Variants in DPP10 observed in about 807,000 individuals in gnomAD.
DPP10 encodes the protein dipeptidyl peptidase like 10, also known as inactive dipeptidyl peptidase 10.
DPP10 carries 33 observed loss-of-function variants against 120.9 expected under a neutral mutation model. That is an observed-to-expected ratio of 0.27 (90% CI 0.21 to 0.37). The LOEUF (loss-of-function observed/expected upper bound fraction) is 0.37, where lower values mean the gene tolerates loss of function less well. DPP10 is among the 10% of genes least tolerant of loss of function. DPP10 has a pLI of 1.00. For synonymous variants in DPP10, 337 were observed against 326.1 expected (o/e 1.03, Z -0.36); for missense variants, 816 against 942.8 (o/e 0.87, Z 1.76).
At chr2:115,745,974 C>T in intron 9 of DPP10, 112 bp from the exon 10 acceptor site, 1 of 742,780 alleles carries the variant, frequency 1.3e-6, no homozygotes, top group Non-Finnish European at 2.1e-6. Flanking sequence ...AGAAATTAAA[C>T]TTTTTTTCTT....
intron 1 of DPP10, among the ~76,000 whole-genome samples, chr2:114,745,692 C>A (rs1203049698): frequency 6.6e-6 from 1 of 152,120 alleles, no homozygotes; most frequent in Non-Finnish European, 1.5e-5. Flanking sequence ...TTTATAGAGT[C>A]ACGGACAAAG....
chr2:114,447,734 G>C (rs1359944795), intron 1 of DPP10, among the ~76,000 whole-genome samples: 1 of 152,182 alleles, frequency 6.6e-6, no homozygotes, highest in Non-Finnish European at 1.5e-5. Context: ...TCACCAGTGA[G>C]TTCTACACTT....
intron 4 of DPP10, among the ~76,000 whole-genome samples, chr2:115,512,339 A>G (rs1052973274): frequency 6.6e-6 from 1 of 151,948 alleles, no homozygotes; most frequent in East Asian, 1.9e-4. Context: ...ACCCCAAGCA[A>G]TCCTCCCACC....
chr2:115,377,645 G>A (rs886580507), intron 3 of DPP10, among the ~76,000 whole-genome samples: 1 of 152,062 alleles, frequency 6.6e-6, no homozygotes, highest in Non-Finnish European at 1.5e-5. Flanking sequence ...TGTCCTGAAT[G>A]GTAATGCCTA....
At chr2:115,356,537 A>G (rs987004196) in intron 3 of DPP10, among the ~76,000 whole-genome samples, 4 of 151,942 alleles carry the variant, frequency 2.6e-5, no homozygotes, top group Admixed American at 2.0e-4. Flanking sequence ...CTATTTGAAT[A>G]CCCTTACTTC....
intron 1 of DPP10, among the ~76,000 whole-genome samples, chr2:114,798,849 C>G (rs1002130812): frequency 3.3e-5 from 5 of 152,110 alleles, no homozygotes; most frequent in Non-Finnish European, 7.3e-5. Context: ...TATTATGGGG[C>G]TGGGCATGGT....
rs534726516 is a variant in DPP10 at position 114,446,166 on chromosome 2, C to T, written c.60+3328C>T. On this transcript the variant is annotated intron_variant, in intron 1 of 25. Coordinates refer to ENST00000410059, the MANE Select transcript of DPP10 (RefSeq NM_020868.6). ...CATGGGTAGCAAACTTGAGTTTTTC[C>T]TTCACCATTATGGCTTCTCTTGGCT... is the stretch of plus-strand genomic sequence containing the variant. Among the ~76,000 whole-genome samples, 9 of 152,266 alleles carry T rather than the reference C, an allele frequency of 5.9e-5. No individual in the cohort carries two copies. The East Asian group carries it at 1.5e-3, about 26-fold the overall frequency.
intron 1 of DPP10, among the ~76,000 whole-genome samples, chr2:114,776,567 A>T (rs1374838088): frequency 2.6e-5 from 4 of 152,154 alleles, no homozygotes; most frequent in Non-Finnish European, 5.9e-5. Flanking sequence ...TTTGGCTTTT[A>T]TAGGCTCAAA....
chr2:114,562,580 A>G (rs1688852572), intron 1 of DPP10, among the ~76,000 whole-genome samples: 1 of 152,232 alleles, frequency 6.6e-6, no homozygotes, highest in Non-Finnish European at 1.5e-5. Flanking sequence ...GAATCACTCT[A>G]GCCCATTTTA....
At chr2:115,664,263 C>A (rs4384801) in intron 5 of DPP10, among the ~76,000 whole-genome samples, 142,427 of 151,762 alleles carry the variant, frequency 0.94, 67,319 homozygotes, top group Non-Finnish European at 1. Context: ...CATAAGGTAC[C>A]AAAAAAGTAT....
At chr2:114,470,308 T>C (rs1468773014) in intron 1 of DPP10, among the ~76,000 whole-genome samples, 1 of 152,240 alleles carries the variant, frequency 6.6e-6, no homozygotes, top group Non-Finnish European at 1.5e-5. Flanking sequence ...GGATTCACTA[T>C]GACAATTTTC....
At chr2:115,134,724 A>G (rs1386695632) in intron 1 of DPP10, among the ~76,000 whole-genome samples, 1 of 152,160 alleles carries the variant, frequency 6.6e-6, no homozygotes, top group Non-Finnish European at 1.5e-5. Context: ...GTCAGGGGTA[A>G]GTGCATTTGT....
rs1690510819 is a variant in DPP10, at chr2:115,845,109, A to G, written c.*2764A>G. The G allele has an allele frequency of 2.0e-5, 3 of 152,202 alleles. No individual in the cohort carries two copies. In the South Asian group the frequency reaches 6.2e-4, roughly 31 times the overall value. The allele number at this position is 152,202 out of a possible 1,614,324, so 9.4% of individuals were successfully genotyped here. On this transcript the variant is annotated 3_prime_UTR_variant, in exon 26 of 26. Coordinates refer to ENST00000410059, the MANE Select transcript of DPP10 (RefSeq NM_020868.6). Reference sequence around the variant, plus strand: ...TAGACATTGGGCTTTACCATATTAGAGAATTACTTAAGCCATTGTCCTTCA... The same window carrying G: ...TAGACATTGGGCTTTACCATATTAGGGAATTACTTAAGCCATTGTCCTTCA...
rs572693170 is a variant in DPP10, at chr2:115,348,123, G to A, written c.271+4211G>A. Among the ~76,000 whole-genome samples the A allele has an allele frequency of 3.9e-5, 6 of 152,210 alleles. No homozygotes were observed. The East Asian group carries it at 1.2e-3, about 29-fold the overall frequency. ...ACTTTGCTTCTGAGACTGCTCAGAG[G>A]CCTTCCAATATCTTAGTCAGTTCAA... On this transcript the variant is annotated intron_variant, in intron 3 of 25. Transcript: ENST00000410059.
chr2:114,877,360 G>T (rs952485879), intron 1 of DPP10, among the ~76,000 whole-genome samples: 1 of 151,950 alleles, frequency 6.6e-6, no homozygotes, highest in South Asian at 2.1e-4. Flanking sequence ...AGTAAGAAAG[G>T]ATACATAAGG....
chr2:115,811,633 A>G (rs1447972945), intron 19 of DPP10, among the ~76,000 whole-genome samples: 1 of 152,204 alleles, frequency 6.6e-6, no homozygotes, highest in African/African-American at 2.4e-5. Context: ...AATAAACAAA[A>G]CATCTTATGT....
rs2081271356 is a variant in DPP10, at chr2:115,570,427, C to T, written c.441+44455C>T. Among the ~76,000 whole-genome samples, 6 of 152,322 alleles carry T rather than the reference C, an allele frequency of 3.9e-5. No homozygotes were observed. In the South Asian group the frequency reaches 1.2e-3, roughly 32 times the overall value. ...ACTGGTGCCCAACACCTTCTGTATA[C>T]TTCATTAAGGGTAAAATATATGGTT... On this transcript the variant is annotated intron_variant, in intron 5 of 25. Transcript: ENST00000410059.
intron 5 of DPP10, among the ~76,000 whole-genome samples, chr2:115,532,806 A>G (rs1194361975): frequency 2.6e-5 from 4 of 151,966 alleles, no homozygotes; most frequent in African/African-American, 7.2e-5. Flanking sequence ...TTGATAGTCA[A>G]CATATCAGAC....
intron 5 of DPP10, among the ~76,000 whole-genome samples, chr2:115,587,089 CTTTTTT>C (rs756810925): frequency 2.9e-5 from 3 of 103,914 alleles, no homozygotes; most frequent in African/African-American, 7.6e-5. Context: ...TTTTCTCTTT[CTTTTTT>C]TTTTTTTTTT....
Sources: gnomAD v4.1 joint callset for allele counts (sites outside exome capture counted in the v4.1 genomes callset) on GRCh38, gnomAD v4.1.1 for gene constraint, MANE v1.5 for transcripts, NCBI Gene and HGNC (gene_info 2026-07-23, HGNC 2026-07-21) for gene names.